Variants in PSD3 observed in about 807,000 individuals in gnomAD.
The protein encoded by PSD3 is PH and SEC7 domain-containing protein 3.
Under a neutral mutation model 105.5 loss-of-function variants are expected in PSD3, and 49 were observed. The ratio of observed to expected loss-of-function variants is 0.46; its 90% CI spans 0.37 to 0.59. The LOEUF (loss-of-function observed/expected upper bound fraction) is 0.59, where lower values mean the gene tolerates loss of function less well. PSD3 is among the 20% of genes least tolerant of loss of function. PSD3 has a pLI of 0.00. For synonymous variants in PSD3, 557 were observed against 457.8 expected, an observed-to-expected ratio of 1.22 and a Z score of -2.77; for missense variants, 1,561 against 1,263.8, an observed-to-expected ratio of 1.24 and a Z score of -3.57.
At chr8:18,874,098 C>T (rs951491568) in intron 2 of PSD3, among the ~76,000 whole-genome samples, 19 of 152,122 alleles carry the variant, frequency 1.2e-4, no homozygotes, top group African/African-American at 4.6e-4. Flanking sequence ...GCTGGAAATA[C>T]AGTGTACTCA....
At chr8:18,907,295 C>T (rs908520079) in intron 2 of PSD3, among the ~76,000 whole-genome samples, 4 of 152,020 alleles carry the variant, frequency 2.6e-5, no homozygotes, top group African/African-American at 7.2e-5. Flanking sequence ...ATGGTAAATG[C>T]CCTATATGAT....
At chr8:18,706,291 A>T (rs1314239062) in intron 9 of PSD3, among the ~76,000 whole-genome samples, 2 of 152,242 alleles carry the variant, frequency 1.3e-5, no homozygotes, top group Non-Finnish European at 2.9e-5. Flanking sequence ...TAGTAAATAC[A>T]CAATGCAATA....
intron 4 of PSD3, among the ~76,000 whole-genome samples, chr8:18,852,544 A>C (rs931687740): frequency 1.3e-5 from 2 of 152,190 alleles, no homozygotes; most frequent in African/African-American, 4.8e-5. Context: ...CATGCCCTCC[A>C]CACTACATGA....
chr8:18,993,859 T>TATCAATCAAACAATTTGATTATATCA (rs5889840), intron 1 of PSD3, among the ~76,000 whole-genome samples: 8 of 151,442 alleles, frequency 5.3e-5, no homozygotes, highest in Non-Finnish European at 7.4e-5. Flanking sequence ...AATTTGATTA[T>TATCAATCAAACAATTTGATTATATCA]ATCAAACAAT....
chr8:18,801,235 AT>A, intron 7 of PSD3, 34 bp downstream of exon 7: 1 of 1,307,514 alleles, frequency 7.6e-7, no homozygotes, highest in Admixed American at 2.1e-5. Flanking sequence ...AACCATTGAT[AT>A]AAAAAAGAAA....
intron 9 of PSD3, among the ~76,000 whole-genome samples, chr8:18,672,582 C>G (rs996194989): frequency 6.6e-6 from 1 of 152,162 alleles, no homozygotes; most frequent in South Asian, 2.1e-4. Flanking sequence ...AATAGAATTG[C>G]CAGTTTTTCG....
At chr8:18,941,270 G>A (rs1021483827) in intron 1 of PSD3, among the ~76,000 whole-genome samples, 4 of 152,114 alleles carry the variant, frequency 2.6e-5, no homozygotes, top group East Asian at 1.9e-4. Context: ...ATCTCGGCTC[G>A]ATAGTACCAC....
At chr8:18,841,888 A>C (rs1814656073) in intron 4 of PSD3, among the ~76,000 whole-genome samples, 1 of 152,214 alleles carries the variant, frequency 6.6e-6, no homozygotes, top group Admixed American at 6.5e-5. Context: ...AGACTTTAAA[A>C]AAAACTAGAC....
chr8:19,065,839 C>T (rs1021747478), intron 1 of PSD3, among the ~76,000 whole-genome samples: 1 of 152,180 alleles, frequency 6.6e-6, no homozygotes, highest in Non-Finnish European at 1.5e-5. Flanking sequence ...GCCCCTCTCC[C>T]ATCCCCAGAG....
At chr8:18,723,750 T>C (rs570611811) in intron 9 of PSD3, among the ~76,000 whole-genome samples, 3 of 152,318 alleles carry the variant, frequency 2.0e-5, no homozygotes, top group East Asian at 1.9e-4. Context: ...TAAACTATCA[T>C]ATGAAAGCCA....
intron 9 of PSD3, among the ~76,000 whole-genome samples, chr8:18,745,185 G>C (rs527828335): frequency 2.0e-5 from 3 of 152,030 alleles, no homozygotes; most frequent in African/African-American, 7.2e-5. Context: ...AAATATCCTG[G>C]GAGAGATACT....
chr8:18,595,692 T>G (rs985671470), intron 12 of PSD3, among the ~76,000 whole-genome samples: 8 of 151,958 alleles, frequency 5.3e-5, no homozygotes, highest in Non-Finnish European at 8.8e-5. Flanking sequence ...CATATAATAA[T>G]GAGTCAATTC....
At chr8:18,816,586 A>C (rs1812241275) in intron 4 of PSD3, among the ~76,000 whole-genome samples, 1 of 152,236 alleles carries the variant, frequency 6.6e-6, no homozygotes, top group South Asian at 2.1e-4. Flanking sequence ...AACCTGCACA[A>C]ATTTTCACTC....
intron 11 of PSD3, among the ~76,000 whole-genome samples, chr8:18,601,138 ATAAT>A (rs983300234): frequency 1.8e-4 from 27 of 152,328 alleles, no homozygotes; most frequent in African/African-American, 3.4e-4. Context: ...ATTATCCAAA[ATAAT>A]TAATTATTTC....
chr8:18,713,878 C>G (rs1802406557), intron 9 of PSD3, among the ~76,000 whole-genome samples: 1 of 152,140 alleles, frequency 6.6e-6, no homozygotes, highest in East Asian at 1.9e-4. Context: ...TGAATTCAAA[C>G]TATACTACAA....
rs529735339 is a variant in PSD3 at position 18,684,766 on chromosome 8, T to G, written c.2173-29081A>C. The stretch of plus-strand genomic sequence containing the variant: ...GACTGGGGGGTTAGCACAGGTTAAC[T>G]TTCAATATGGCACAGAGTGAGAGCA... On this transcript the variant is annotated intron_variant, in intron 9 of 15. Coordinates refer to ENST00000327040, the MANE Select transcript of PSD3 (RefSeq NM_015310.4). 7.2e-5 allele frequency among the ~76,000 whole-genome samples: 11 copies of G among 152,306 alleles called. No individual in the cohort carries two copies. The East Asian group carries it at 1.7e-3, about 24-fold the overall frequency.
intron 2 of PSD3, among the ~76,000 whole-genome samples, chr8:18,896,464 A>G (rs1819156364): frequency 1.3e-5 from 2 of 152,158 alleles, no homozygotes; most frequent in Non-Finnish European, 2.9e-5. Context: ...TTCAGGCTGC[A>G]GTGCACTGGT....
At chr8:18,863,163 C>A (rs1440479488) in intron 4 of PSD3, among the ~76,000 whole-genome samples, 1 of 152,150 alleles carries the variant, frequency 6.6e-6, no homozygotes, top group African/African-American at 2.4e-5. Flanking sequence ...TTTGCTATTT[C>A]TTTTTCTCCT....
chr8:19,077,436 T>G (rs1829494360), intron 1 of PSD3, among the ~76,000 whole-genome samples: 1 of 152,014 alleles, frequency 6.6e-6, no homozygotes, highest in Non-Finnish European at 1.5e-5. Context: ...CAAAAAACAG[T>G]CATAGCTGCT....
Sources: gnomAD v4.1 joint callset for allele counts (sites outside exome capture counted in the v4.1 genomes callset) on GRCh38, gnomAD v4.1.1 for gene constraint, MANE v1.5 for transcripts, NCBI Gene and HGNC (gene_info 2026-07-23, HGNC 2026-07-21) for gene names.